Variants in CNTNAP2 observed in about 807,000 individuals in gnomAD.
CNTNAP2 encodes contactin-associated protein-like 2.
In CNTNAP2, 98 loss-of-function variants were observed where a neutral mutation model predicts 155.2. The observed-to-expected ratio is 0.63, with a 90% CI of 0.54 to 0.75. CNTNAP2 has a LOEUF of 0.75. CNTNAP2 is among the 30% of genes least tolerant of loss of function. The pLI, the probability that CNTNAP2 is intolerant of heterozygous loss-of-function variation, is 0.00. For missense variants in CNTNAP2, 1,727 were observed against 1,688.1 expected (o/e 1.02, Z -0.40); for synonymous variants, 651 against 631.2 (o/e 1.03, Z -0.47).
intron 1 of CNTNAP2, among the ~76,000 whole-genome samples, chr7:146,202,614 A>G (rs911002657): frequency 3.9e-4 from 60 of 152,288 alleles, no homozygotes; most frequent in African/African-American, 1.4e-3. Flanking sequence ...ATATTTAAAA[A>G]TGGTGAACAA....
rs186342410 is a variant in CNTNAP2 at position 147,920,750 on chromosome 7, G to A, written c.2255+17029G>A. Among the ~76,000 whole-genome samples, 227 of 150,966 alleles carry A rather than the reference G, an allele frequency of 1.5e-3. 1 individual carries two copies. Among genetic ancestry groups the A allele is most frequent in the African/African-American group, 5.0e-3 (206 of 40,984 alleles). ...CCTGCTGAAAGACAGATTTAAGAAT[G>A]TGTCTTCACAATCCCTACACCACTG... On this transcript the variant is annotated intron_variant, in intron 14 of 23. Transcript: ENST00000361727.
rs12113556 is a variant in CNTNAP2 at position 147,107,936 on chromosome 7, C to G, written c.551-211C>G. Among the ~76,000 whole-genome samples, 1,428 of 152,168 alleles carry G rather than the reference C, an allele frequency of 9.4e-3. 16 individuals carry two copies. The highest frequency in any genetic ancestry group is 0.032 in the African/African-American group (1,329 of 41,542). ...AAAGTAAAATGTTCAACTGATAGAG[C>G]TTTTATGAGCATTTTTATCAATACT... On this transcript the variant is annotated intron_variant, in intron 4 of 23. Coordinates refer to ENST00000361727, the MANE Select transcript of CNTNAP2 (RefSeq NM_014141.6).
At chr7:148,011,841 C>T (rs1419937547) in intron 15 of CNTNAP2, among the ~76,000 whole-genome samples, 1 of 152,184 alleles carries the variant, frequency 6.6e-6, no homozygotes, top group African/African-American at 2.4e-5. Context: ...AGATGACAGA[C>T]ATTTCCTATG....
At chr7:148,385,663 G>C (rs567258164) in intron 22 of CNTNAP2, among the ~76,000 whole-genome samples, 1 of 151,192 alleles carries the variant, frequency 6.6e-6, no homozygotes, top group African/African-American at 2.4e-5. Flanking sequence ...GTTAAGATCT[G>C]TGAGATATGA....
chr7:146,152,679 A>C (rs1344483636), intron 1 of CNTNAP2, among the ~76,000 whole-genome samples: 1 of 152,136 alleles, frequency 6.6e-6, no homozygotes, highest in Non-Finnish European at 1.5e-5. Context: ...AAAATAAAAT[A>C]ATATAATTAC....
intron 3 of CNTNAP2, among the ~76,000 whole-genome samples, chr7:147,009,652 G>C (rs1401402596): frequency 1.3e-5 from 2 of 152,156 alleles, no homozygotes; most frequent in Non-Finnish European, 2.9e-5. Context: ...TGTTTTAGTA[G>C]GGAAAATATA....
At chr7:148,036,591 T>C (rs1321667081) in intron 15 of CNTNAP2, among the ~76,000 whole-genome samples, 1 of 152,082 alleles carries the variant, frequency 6.6e-6, no homozygotes, top group Non-Finnish European at 1.5e-5. Flanking sequence ...TGTCCCAGGC[T>C]CCAAAGGGAC....
At chr7:148,353,224 C>T (rs1383005998) in intron 21 of CNTNAP2, among the ~76,000 whole-genome samples, 1 of 152,124 alleles carries the variant, frequency 6.6e-6, no homozygotes, top group East Asian at 1.9e-4. Flanking sequence ...TGAAGTGTTC[C>T]CCCTCAGAAT....
chr7:147,011,418 CAAAAAAAAAAAAA>C (rs759844476), intron 3 of CNTNAP2, among the ~76,000 whole-genome samples: 1 of 13,258 alleles, frequency 7.5e-5, no homozygotes, highest in Non-Finnish European at 1.8e-4. Context: ...CACTCCATCT[CAAAAAAAAAAAAA>C]AAAAAAAAAA....
At chr7:147,333,290 G>A (rs190752390) in intron 9 of CNTNAP2, among the ~76,000 whole-genome samples, 47 of 152,250 alleles carry the variant, frequency 3.1e-4, no homozygotes, top group Non-Finnish European at 5.4e-4. Flanking sequence ...AACTCTCGGC[G>A]TTCTGATTCT....
intron 1 of CNTNAP2, among the ~76,000 whole-genome samples, chr7:146,699,587 T>C (rs1470053632): frequency 6.6e-6 from 1 of 152,116 alleles, no homozygotes; most frequent in Admixed American, 6.6e-5. Context: ...GTATTTCTCT[T>C]CTTTAAGATT....
At chr7:146,148,372 G>C (rs546062302) in intron 1 of CNTNAP2, among the ~76,000 whole-genome samples, 1 of 152,024 alleles carries the variant, frequency 6.6e-6, no homozygotes, top group East Asian at 1.9e-4. Flanking sequence ...AACATTGCTC[G>C]TCTGTTTCAA....
At chr7:148,264,176 C>G (rs1563017143) in intron 20 of CNTNAP2, among the ~76,000 whole-genome samples, 1 of 152,160 alleles carries the variant, frequency 6.6e-6, no homozygotes, top group African/African-American at 2.4e-5. Context: ...GAACGAAATA[C>G]TAGTCATCCA....
At chr7:146,300,572 G>A (rs1024915951) in intron 1 of CNTNAP2, among the ~76,000 whole-genome samples, 1 of 152,070 alleles carries the variant, frequency 6.6e-6, no homozygotes, top group African/African-American at 2.4e-5. Flanking sequence ...TAAATGGTTT[G>A]GCTGATAGAT....
chr7:146,932,413 A>T (rs1796784565), intron 3 of CNTNAP2, among the ~76,000 whole-genome samples: 1 of 151,808 alleles, frequency 6.6e-6, no homozygotes, highest in Non-Finnish European at 1.5e-5. Context: ...CTCTCAATAA[A>T]TTAGGTATTG....
chr7:146,896,563 A>G (rs1795882046), intron 3 of CNTNAP2, among the ~76,000 whole-genome samples: 2 of 152,132 alleles, frequency 1.3e-5, no homozygotes, highest in South Asian at 4.1e-4. Context: ...AATCAATACA[A>G]TTTTGTTGGC....
rs532252702 is a variant in CNTNAP2, at chr7:147,009,158, T to C, written c.403-34749T>C. ...TACATATAAGTAGCGCAAGTTTCCA[T>C]GTCAAGTGTACCTATCTGTCTTTAC... is the stretch of plus-strand genomic sequence containing the variant. On this transcript the variant is annotated intron_variant, in intron 3 of 23. Coordinates refer to ENST00000361727, the MANE Select transcript of CNTNAP2 (RefSeq NM_014141.6). Among the ~76,000 whole-genome samples, 19 of 152,234 alleles carry C rather than the reference T, an allele frequency of 1.2e-4. No individual in the cohort carries two copies. The South Asian group carries it at 3.3e-3, about 27-fold the overall frequency.
At chr7:147,269,436 G>C (rs554140958) in intron 8 of CNTNAP2, among the ~76,000 whole-genome samples, 3 of 152,212 alleles carry the variant, frequency 2.0e-5, no homozygotes, top group Middle Eastern at 6.8e-3. Context: ...GTAACATACA[G>C]ACACAGCACC....
chr7:148,347,398 G>C (rs569524278), intron 21 of CNTNAP2, among the ~76,000 whole-genome samples: 1 of 152,350 alleles, frequency 6.6e-6, no homozygotes, highest in East Asian at 1.9e-4. Flanking sequence ...TTGGAAAGCA[G>C]ATGGAAGCAC....
Sources: gnomAD v4.1 joint callset for allele counts (sites outside exome capture counted in the v4.1 genomes callset) on GRCh38, gnomAD v4.1.1 for gene constraint, MANE v1.5 for transcripts, NCBI Gene and HGNC (gene_info 2026-07-23, HGNC 2026-07-21) for gene names.